Variants in NUP133 observed in about 807,000 individuals in gnomAD.
NUP133 encodes nuclear pore complex protein Nup133.
Under a neutral mutation model 146.2 loss-of-function variants are expected in NUP133, and 66 were observed. The observed-to-expected ratio is 0.45, with a 90% CI of 0.37 to 0.55. The LOEUF is 0.55. Among genes scored for constraint, NUP133 ranks in the 20% least tolerant of loss-of-function variants. The pLI is 0.00. For synonymous variants in NUP133, 521 were observed against 498.8 expected (o/e 1.04, Z -0.59); for missense variants, 1,277 against 1,374.8 (o/e 0.93, Z 1.12).
intron 8 of NUP133, among the ~76,000 whole-genome samples, chr1:229,492,450 G>A (rs2102779248): frequency 6.6e-6 from 1 of 152,168 alleles, no homozygotes; most frequent in Non-Finnish European, 1.5e-5. Context: ...AGATTAAAAG[G>A]GTGGCAAAGC....
At chr1:229,446,741 A>C (rs925746717) in intron 24 of NUP133, among the ~76,000 whole-genome samples, 3 of 151,742 alleles carry the variant, frequency 2.0e-5, no homozygotes, top group African/African-American at 7.3e-5. Context: ...CTCAAAAAAA[A>C]AATTTTTTTT....
chr1:229,497,827 T>C (rs1213747641), intron 6 of NUP133, among the ~76,000 whole-genome samples: 1 of 152,208 alleles, frequency 6.6e-6, no homozygotes, highest in Non-Finnish European at 1.5e-5. Context: ...AGAAACACGC[T>C]TCTGGTTAAA....
chr1:229,504,497 A>G (rs1661884647), intron 2 of NUP133, among the ~76,000 whole-genome samples: 1 of 152,210 alleles, frequency 6.6e-6, no homozygotes, highest in Non-Finnish European at 1.5e-5. Context: ...TGTATCTGTC[A>G]AAATTCCACA....
chr1:229,459,858 A>C (rs139358412), intron 20 of NUP133, among the ~76,000 whole-genome samples: 9 of 152,134 alleles, frequency 5.9e-5, no homozygotes, highest in Middle Eastern at 3.4e-3. Context: ...ACTGACTTCA[A>C]CTCCTCTGGA....
At chr1:229,444,865 C>CA (rs1660268603) in intron 25 of NUP133, 49 bp downstream of exon 25, 1 of 1,316,636 alleles carries the variant, frequency 7.6e-7, no homozygotes, top group African/African-American at 1.5e-5. Context: ...ACCCAAAAAA[C>CA]TGAGGAATGA....
At chr1:229,500,629 C>T in intron 4 of NUP133, 127 bp downstream of exon 4, 3 of 565,004 alleles carry the variant, frequency 5.3e-6, no homozygotes, top group South Asian at 5.1e-5. Context: ...CTCTCTTTGC[C>T]AATACCACAA....
chr1:229,460,792 T>C, intron 19 of NUP133, 23 bp from the exon 20 acceptor site: 1 of 1,591,962 alleles, frequency 6.3e-7, no homozygotes, highest in Non-Finnish European at 8.6e-7. Context: ...GAACATAGAA[T>C]TCATTCATAA....
intron 24 of NUP133, among the ~76,000 whole-genome samples, chr1:229,448,029 T>C (rs1278645080): frequency 6.6e-6 from 1 of 152,250 alleles, no homozygotes; most frequent in Non-Finnish European, 1.5e-5. Context: ...CTGCTCATTA[T>C]ACACTAATTA....
chr1:229,492,193 G>A lies in NUP133; in HGVS notation c.1047-2091C>T, dbSNP rs534480157. Among the ~76,000 whole-genome samples, 519 of 150,490 alleles carry A rather than the reference G, an allele frequency of 3.4e-3. 4 individuals are homozygous for A. Among genetic ancestry groups the A allele is most frequent in the Non-Finnish European group, 5.1e-3 (346 of 67,838 alleles). On this transcript the variant is annotated intron_variant, in intron 8 of 25. Coordinates refer to ENST00000261396, the MANE Select transcript of NUP133 (RefSeq NM_018230.3). ...GTGATCTCGGCTCACTGCAACCTCC[G>A]CCTCCTGGGTTCAAGCAATTCTCCT...
At chr1:229,484,736 T>A (rs1384579412) in intron 11 of NUP133, among the ~76,000 whole-genome samples, 2 of 152,178 alleles carry the variant, frequency 1.3e-5, no homozygotes, top group African/African-American at 2.4e-5. Context: ...AATGGAATAC[T>A]ATAAAATTGC....
At chr1:229,498,986 T>C (rs954786434) in intron 5 of NUP133, among the ~76,000 whole-genome samples, 2 of 152,050 alleles carry the variant, frequency 1.3e-5, no homozygotes, top group African/African-American at 4.8e-5. Context: ...GCAGCCTCAA[T>C]CTCCTGGGCT....
At chr1:229,442,270 T>C (rs1006620780) in intron 25 of NUP133, among the ~76,000 whole-genome samples, 16 of 152,348 alleles carry the variant, frequency 1.1e-4, no homozygotes, top group Middle Eastern at 6.8e-3. Flanking sequence ...GTGGTCAAAA[T>C]AGCCATTCTA....
intron 20 of NUP133, among the ~76,000 whole-genome samples, chr1:229,460,388 G>A (rs965017026): frequency 6.6e-6 from 1 of 151,872 alleles, no homozygotes; most frequent in Non-Finnish European, 1.5e-5. Flanking sequence ...TGTTTCCTAG[G>A]CTGGTCTTGA....
rs961553199 is a variant in NUP133 at position 229,441,257 on chromosome 1, G to C, written c.*647C>G. Reference sequence around the variant, plus strand: ...AACTAAACATCAACAGTAATTTCTAGATAGGTTAGAAAACCACATAAACGT... The same window carrying C: ...AACTAAACATCAACAGTAATTTCTACATAGGTTAGAAAACCACATAAACGT... On this transcript the variant is annotated 3_prime_UTR_variant, in exon 26 of 26. Coordinates refer to ENST00000261396, the MANE Select transcript of NUP133 (RefSeq NM_018230.3). 1 of 355,072 alleles carries C rather than the reference G, an allele frequency of 2.8e-6. No individual in the cohort carries two copies. Among genetic ancestry groups the C allele is most frequent in the African/African-American group, 2.1e-5 (1 of 46,830 alleles). The allele number at this position is 355,072 out of a possible 1,614,324, so 22.0% of individuals were successfully genotyped here. A position where few individuals can be genotyped will look rare whatever the true frequency, so the allele number is the denominator to read the frequency against.
intron 22 of NUP133, 31 bp downstream of exon 22, chr1:229,452,493 GA>G: frequency 6.5e-7 from 1 of 1,544,246 alleles, no homozygotes; most frequent in Middle Eastern, 1.7e-4. Context: ...TTGAGTTTAA[GA>G]AATAGCGTTA....
At chr1:229,505,235 TTTAG>T (rs1661903293) in intron 2 of NUP133, among the ~76,000 whole-genome samples, 1 of 152,168 alleles carries the variant, frequency 6.6e-6, no homozygotes, top group Non-Finnish European at 1.5e-5. Context: ...ATATTCTCAT[TTTAG>T]TTAATGACCC....
chr1:229,496,586 T>C (rs1661662586), intron 6 of NUP133, among the ~76,000 whole-genome samples: 1 of 152,094 alleles, frequency 6.6e-6, no homozygotes, highest in Non-Finnish European at 1.5e-5. Context: ...GGAGAAGAGC[T>C]GAAAGGTGGG....
intron 12 of NUP133, among the ~76,000 whole-genome samples, chr1:229,478,142 T>C (rs1426059582): frequency 6.6e-6 from 1 of 151,606 alleles, no homozygotes; most frequent in Non-Finnish European, 1.5e-5. Flanking sequence ...TATGTACCCA[T>C]AAAAATAAAA....
rs1440478226 is a variant in NUP133 at position 229,495,914 on chromosome 1, T to C, written c.953A>G (p.Glu318Gly). The change falls in exon 7 of 26, where the codon GAA (glutamate) becomes GGA (glycine). Residue 318 changes from glutamate (E) to glycine (G), a missense_variant. By Grantham distance (98) the Glu-to-Gly change is moderately conservative (BLOSUM62 -2). Around this residue, in one of 3 missense-constraint regions of NUP133, gnomAD observed 952 missense variants for 1,047.0 expected, o/e 0.91. Coordinates refer to ENST00000261396, the MANE Select transcript of NUP133 (RefSeq NM_018230.3). The part of the protein sequence containing the change: ...YSWDINRALK[E>G]NITDAIWGSE... ...TACCCAAATAGCATCGGTAATGTTTTCCTTCAGGGCTCTATTTATATCCCA... is the reference window on the plus strand; with the variant it reads ...TACCCAAATAGCATCGGTAATGTTTCCCTTCAGGGCTCTATTTATATCCCA... 5 of 1,597,412 alleles carry C rather than the reference T, an allele frequency of 3.1e-6. No individual in the cohort carries two copies. In the Admixed American group the frequency reaches 5.4e-5, roughly 17 times the overall value.
Sources: allele counts gnomAD v4.1 joint callset (sites outside exome capture counted in the v4.1 genomes callset), GRCh38; gene constraint gnomAD v4.1.1; regional missense constraint gnomAD v4.1.1; transcripts MANE v1.5; gene names NCBI Gene and HGNC (gene_info 2026-07-23, HGNC 2026-07-21).